The following ARL5B variants were observed in gnomAD, a reference collection of about 807,000 sequenced individuals.
ARL5B encodes the protein ADP-ribosylation factor-like protein 5B.
A neutral mutation model predicts 26.9 loss-of-function variants in ARL5B; 10 were observed. The observed-to-expected ratio is 0.37, with a 90% CI of 0.23 to 0.63. ARL5B has a LOEUF of 0.63. ARL5B is among the 30% of genes least tolerant of loss of function. ARL5B has a pLI of 0.62. For synonymous variants in ARL5B, 87 were observed against 70.4 expected (o/e 1.24, Z -1.18); for missense variants, 167 against 213.9 (o/e 0.78, Z 1.37).
chr10:18,673,954 C>T (rs1487668338), intron 4 of ARL5B, 30 bp from the exon 5 acceptor site: 1 of 1,569,542 alleles, frequency 6.4e-7, no homozygotes, highest in Non-Finnish European at 8.6e-7. Flanking sequence ...TGGTATTTCA[C>T]ATATTAGAAA....
rs143164402 is a variant in ARL5B at position 18,670,831 on chromosome 10, A to G, written c.256-1791A>G. On this transcript the variant is annotated intron_variant, in intron 3 of 5. Transcript: ENST00000377275. ...TGACTGAAACTCTGGAGGACTTAGC[A>G]TGGGTCCAGAAAGAGATATCCATTA... Among the ~76,000 whole-genome samples, 6 of 152,318 alleles carry G rather than the reference A, an allele frequency of 3.9e-5. No homozygotes were observed. The East Asian group carries it at 1.2e-3, about 29-fold the overall frequency.
rs2131648545 is a variant in ARL5B at position 18,675,604 on chromosome 10, G to A, written c.*388G>A. 5.1e-6 allele frequency: 1 copy of A among 194,358 alleles called. No individual in the cohort carries two copies. Among genetic ancestry groups the A allele is most frequent in the East Asian group, 1.3e-4 (1 of 7,954 alleles). 12.0% of individuals were successfully genotyped at this position (194,358 alleles called of 1,614,324 possible). The stretch of plus-strand genomic sequence containing the variant: ...CTCCCAACCAGAGAATTACTGGTTT[G>A]ATAGAGTAGTCTTGGAAACCATCAG... On this transcript the variant is annotated 3_prime_UTR_variant, in exon 6 of 6. Coordinates refer to ENST00000377275, the MANE Select transcript of ARL5B (RefSeq NM_178815.5).
chr10:18,679,103 G>A lies in ARL5B; in HGVS notation c.*3887G>A, dbSNP rs1444208320. 1.3e-5 allele frequency: 2 copies of A among 151,668 alleles called. No homozygotes were observed. The allele number at this position is 151,668 out of a possible 1,614,324, so 9.4% of individuals were successfully genotyped here. ...TAGAATACGAATACAACCAAGTAGG[G>A]AAAAACGTATCAGTAACTGCTATTC... On this transcript the variant is annotated 3_prime_UTR_variant, in exon 6 of 6. Transcript: ENST00000377275.
At chr10:18,670,156 C>T (rs994613475) in intron 3 of ARL5B, among the ~76,000 whole-genome samples, 4 of 151,980 alleles carry the variant, frequency 2.6e-5, no homozygotes, top group Admixed American at 1.3e-4. Flanking sequence ...TCCAATGCAA[C>T]GTGTAAGTAA....
rs897814044 is a variant in ARL5B at position 18,668,734 on chromosome 10, A to G, written c.255+57A>G. The G allele has an allele frequency of 4.5e-6, 7 of 1,564,342 alleles. No homozygotes were observed. The Admixed American group carries it at 1.1e-4, about 25-fold the overall frequency. ...AAAGGTCCCTAGAGTAAACATAGAA[A>G]GTAATTAGGCTGCACCTGGGCGTAT... On this transcript the variant is annotated intron_variant, in intron 3 of 5. Coordinates refer to ENST00000377275, the MANE Select transcript of ARL5B (RefSeq NM_178815.5).
At chr10:18,661,369 G>A (rs1416505491) in intron 1 of ARL5B, among the ~76,000 whole-genome samples, 1 of 152,116 alleles carries the variant, frequency 6.6e-6, no homozygotes, top group Non-Finnish European at 1.5e-5. Flanking sequence ...AATAAAAGAT[G>A]TAAGGGGAAA....
At chr10:18,660,808 C>A (rs1468908696) in intron 1 of ARL5B, among the ~76,000 whole-genome samples, 1 of 152,172 alleles carries the variant, frequency 6.6e-6, no homozygotes, top group Non-Finnish European at 1.5e-5. Context: ...AGCAGAGCTT[C>A]ACACTTTGTG....
Position 18,659,697 on chromosome 10 carries a change from A to G in ARL5B, c.46+14A>G. 1 of 1,610,964 alleles carries G rather than the reference A, an allele frequency of 6.2e-7. No homozygotes were observed. The highest frequency in any genetic ancestry group is 8.5e-7 in the Non-Finnish European group (1 of 1,178,782). On this transcript the variant is annotated intron_variant, in intron 1 of 5. Coordinates refer to ENST00000377275, the MANE Select transcript of ARL5B (RefSeq NM_178815.5). ...TCTGTAACCAAGGTGAGAAGAATGGAGCTGCGCGGCGGCTCGAATCCGAGG... is the reference window on the plus strand; with the variant it reads ...TCTGTAACCAAGGTGAGAAGAATGGGGCTGCGCGGCGGCTCGAATCCGAGG...
In ARL5B at chr10:18,680,474, T is replaced by C. The variant is rs2059927786; in HGVS notation, c.*5258T>C. The C allele has an allele frequency of 6.6e-6, 1 of 152,108 alleles. No individual in the cohort carries two copies. The highest frequency in any genetic ancestry group is 1.5e-5 in the Non-Finnish European group (1 of 67,962). The allele number at this position is 152,108 out of a possible 1,614,324, so 9.4% of individuals were successfully genotyped here. ...ACTGTGAATATATTTCCATCAGTGT[T>C]GGTAAGATATCAAATGACTATCAGT... is the stretch of plus-strand genomic sequence containing the variant. On this transcript the variant is annotated 3_prime_UTR_variant, in exon 6 of 6. Coordinates refer to ENST00000377275, the MANE Select transcript of ARL5B (RefSeq NM_178815.5).
chr10:18,660,014 G>T (rs555358718), intron 1 of ARL5B: 13 of 898,176 alleles, frequency 1.4e-5, no homozygotes, highest in Middle Eastern at 5.8e-4. Context: ...AAGCGTGCTT[G>T]TGTCTATGTG....
At chr10:18,664,126 G>C (rs578250867) in intron 1 of ARL5B, among the ~76,000 whole-genome samples, 1 of 151,194 alleles carries the variant, frequency 6.6e-6, no homozygotes, top group Admixed American at 6.6e-5. Context: ...GCTAAGTTTT[G>C]TATTTTTAGT....
In ARL5B at chr10:18,679,025, A is replaced by T. The variant is rs1042014881; in HGVS notation, c.*3809A>T. ...CAAATAGTAGGGCAATACAGGTAAT[A>T]TGAAATTAAATGTATTTTTATCCAT... On this transcript the variant is annotated 3_prime_UTR_variant, in exon 6 of 6. Transcript: ENST00000377275. 4.6e-5 allele frequency: 7 copies of T among 151,940 alleles called. No homozygotes were observed. Among genetic ancestry groups the T allele is most frequent in the African/African-American group, 1.7e-4 (7 of 41,430 alleles). The allele number at this position is 151,940 out of a possible 1,614,324, so 9.4% of individuals were successfully genotyped here.
In ARL5B at chr10:18,679,167, C is replaced by G. The variant is rs977060372; in HGVS notation, c.*3951C>G. 18 of 151,672 alleles carry G rather than the reference C, an allele frequency of 1.2e-4. No individual in the cohort carries two copies. The allele number at this position is 151,672 out of a possible 1,614,324, so 9.4% of individuals were successfully genotyped here. On this transcript the variant is annotated 3_prime_UTR_variant, in exon 6 of 6. Coordinates refer to ENST00000377275, the MANE Select transcript of ARL5B (RefSeq NM_178815.5). ...CGAATTAATAGCTGAATAGAAATAG[C>G]TAATGACAATGCAAAAGAGAAAACA...
chr10:18,672,740 T>C (rs2059893323), intron 4 of ARL5B, 35 bp downstream of exon 4: 1 of 1,485,724 alleles, frequency 6.7e-7, no homozygotes, highest in Admixed American at 1.7e-5. Context: ...AAAAACAGTG[T>C]AGTAAAGTAT....
intron 2 of ARL5B, among the ~76,000 whole-genome samples, chr10:18,668,079 C>T (rs763912514): frequency 2.6e-5 from 4 of 151,992 alleles, no homozygotes; most frequent in Non-Finnish European, 5.9e-5. Flanking sequence ...GATTAATATG[C>T]CTGAATTAAT....
intron 1 of ARL5B, among the ~76,000 whole-genome samples, chr10:18,661,145 A>G (rs1227474811): frequency 6.6e-6 from 1 of 152,248 alleles, no homozygotes; most frequent in Non-Finnish European, 1.5e-5. Context: ...CACCGCGCCC[A>G]GCGGTAAAAC....
intron 1 of ARL5B, among the ~76,000 whole-genome samples, chr10:18,664,718 G>A (rs142012763): frequency 6.4e-4 from 97 of 152,166 alleles, no homozygotes; most frequent in Non-Finnish European, 1.0e-3. Context: ...GATTACAGGC[G>A]TAAGGCACCA....
intron 1 of ARL5B, among the ~76,000 whole-genome samples, chr10:18,665,501 C>T (rs1054069622): frequency 3.3e-5 from 5 of 152,138 alleles, no homozygotes; most frequent in African/African-American, 9.7e-5. Context: ...AAGACCTGCA[C>T]ATCTCAAGAA....
chr10:18,672,484 T>G, intron 3 of ARL5B, 138 bp from the exon 4 acceptor site: 3 of 552,252 alleles, frequency 5.4e-6, no homozygotes, highest in Middle Eastern at 9.8e-4. Flanking sequence ...AAAAGCTGTT[T>G]ATGGTGAAAA....
Sources: gnomAD v4.1 joint callset for allele counts (sites outside exome capture counted in the v4.1 genomes callset) on GRCh38, gnomAD v4.1.1 for gene constraint, MANE v1.5 for transcripts, NCBI Gene and HGNC (gene_info 2026-07-23, HGNC 2026-07-21) for gene names.